Variants in B3GALT1 observed in about 807,000 individuals in gnomAD.
B3GALT1 encodes the protein beta-1,3-galactosyltransferase 1, also known as UDP-Gal:betaGlcNAc beta 1,3-galactosyltransferase, polypeptide 1.
In B3GALT1, 10 loss-of-function variants were observed where a neutral mutation model predicts 23.2. The observed-to-expected ratio is 0.43, with a 90% CI of 0.27 to 0.73. B3GALT1 has a LOEUF of 0.73. B3GALT1 is among the 30% of genes least tolerant of loss of function. The pLI is 0.21. For synonymous variants in B3GALT1, 156 were observed against 141.5 expected, an observed-to-expected ratio of 1.10 and a Z score of -0.73; for missense variants, 299 against 405.4, an observed-to-expected ratio of 0.74 and a Z score of 2.25.
chr2:167,869,581 T>C lies in B3GALT1; in HGVS notation c.542T>C (p.Phe181Ser). 6.2e-7 allele frequency: 1 copy of C among 1,614,188 alleles called. No homozygotes were observed. Among genetic ancestry groups the C allele is most frequent in the Non-Finnish European group, 8.5e-7 (1 of 1,180,038 alleles). ...GTCATGAAAACAGACAGCGACATTTTTGTAAACATGGACAATCTTATTTAT... is the reference window on the plus strand; with the variant it reads ...GTCATGAAAACAGACAGCGACATTTCTGTAAACATGGACAATCTTATTTAT... Reference protein sequence around the residue: ...KYVMKTDSDIFVNMDNLIYKL... With the variant: ...KYVMKTDSDISVNMDNLIYKL... Residue 181 changes from phenylalanine (F) to serine (S), a missense_variant, in exon 5 of 5, where the codon TTT (phenylalanine) becomes TCT (serine). By Grantham distance (155) the Phe-to-Ser change is radical. Transcript: ENST00000392690. This position sits in a 1 kb window ranked among gnomAD's most constrained non-coding sequence, Gnocchi z 6.4.
chr2:167,699,380 A>ATTTTTTTTTT lies in B3GALT1; in HGVS notation c.-352+52430_-352+52439dup, dbSNP rs1169813738. On this transcript the variant is annotated intron_variant, in intron 3 of 4. Transcript: ENST00000392690. ...GGGGGAGTTTTTTGCCATTATTTCT[A>ATTTTTTTTTT]TTTTTTTTTTTTTTTTTTTTTTTTT... Among the ~76,000 whole-genome samples the ATTTTTTTTTT allele has an allele frequency of 1.1e-3, 110 of 100,144 alleles. 3 individuals are homozygous for ATTTTTTTTTT. The highest frequency in any genetic ancestry group is 1.5e-3 in the Non-Finnish European group (76 of 52,114). 65.7% of individuals were successfully genotyped at this position (100,144 alleles called of 152,430 possible).
chr2:167,830,336 T>A (rs1574286924), intron 4 of B3GALT1, among the ~76,000 whole-genome samples: 1 of 151,086 alleles, frequency 6.6e-6, no homozygotes, highest in South Asian at 2.1e-4. Context: ...AGGAAAGACA[T>A]TAAGCGGGAA....
At chr2:167,417,243 A>G (rs1264206518) in intron 1 of B3GALT1, among the ~76,000 whole-genome samples, 2 of 152,106 alleles carry the variant, frequency 1.3e-5, no homozygotes, top group African/African-American at 2.4e-5. Flanking sequence ...AGCTTAATCC[A>G]TTATAGGATT....
At chr2:167,566,060 A>G (rs13031089) in intron 2 of B3GALT1, among the ~76,000 whole-genome samples, 1 of 151,782 alleles carries the variant, frequency 6.6e-6, no homozygotes, top group African/African-American at 2.4e-5. Flanking sequence ...ACATATGTTT[A>G]TTGCGGCACT....
At chr2:167,732,219 A>G (rs1167588327) in intron 3 of B3GALT1, among the ~76,000 whole-genome samples, 1 of 152,222 alleles carries the variant, frequency 6.6e-6, no homozygotes, top group Non-Finnish European at 1.5e-5. Context: ...CCAAAATTAG[A>G]ATACATTAAG....
In B3GALT1 at chr2:167,413,700, A is replaced by G. The variant is rs1698426248; in HGVS notation, c.-510-76477A>G. Among the ~76,000 whole-genome samples, 3 of 151,980 alleles carry G rather than the reference A, an allele frequency of 2.0e-5. No individual in the cohort carries two copies. In the East Asian group the frequency reaches 5.8e-4, roughly 29 times the overall value. Reference sequence around the variant, plus strand: ...TTCTTCAGGTTTATTTTCACCTGATATATCCTTTTTCATTATATTAATATC... The same window carrying G: ...TTCTTCAGGTTTATTTTCACCTGATGTATCCTTTTTCATTATATTAATATC... On this transcript the variant is annotated intron_variant, in intron 1 of 4. Transcript: ENST00000392690.
At chr2:167,666,647 A>G (rs183207021) in intron 3 of B3GALT1, among the ~76,000 whole-genome samples, 2 of 152,042 alleles carry the variant, frequency 1.3e-5, no homozygotes, top group Non-Finnish European at 2.9e-5. Flanking sequence ...TATTGGGTGC[A>G]TATATATTTG....
rs191106216 is a variant in B3GALT1, at chr2:167,395,505, C to T, written c.-510-94672C>T. Among the ~76,000 whole-genome samples, 23 of 152,118 alleles carry T rather than the reference C, an allele frequency of 1.5e-4. 1 individual carries two copies. The East Asian group carries it at 3.7e-3, about 24-fold the overall frequency. On this transcript the variant is annotated intron_variant, in intron 1 of 4. Coordinates refer to ENST00000392690, the MANE Select transcript of B3GALT1 (RefSeq NM_020981.4). ...GAAAAGGCAAGGAAACTGAACCCTC[C>T]CCAGAACCTCCAGAAAGAATACAGC...
At chr2:167,629,214 G>T (rs1016513176) in intron 2 of B3GALT1, among the ~76,000 whole-genome samples, 1 of 151,654 alleles carries the variant, frequency 6.6e-6, no homozygotes, top group Non-Finnish European at 1.5e-5. Flanking sequence ...CGGTGATCTC[G>T]TAATGTCTAA....
chr2:167,526,169 A>G (rs1382099250), intron 2 of B3GALT1, among the ~76,000 whole-genome samples: 1 of 151,874 alleles, frequency 6.6e-6, no homozygotes, highest in South Asian at 2.1e-4. Flanking sequence ...AAGCCATGTT[A>G]GTGCACAGAG....
intron 3 of B3GALT1, among the ~76,000 whole-genome samples, chr2:167,769,663 A>G (rs561402181): frequency 6.6e-6 from 1 of 152,264 alleles, no homozygotes; most frequent in South Asian, 2.1e-4. Context: ...ATCATACAAT[A>G]TATAGTCTTT....
intron 4 of B3GALT1, among the ~76,000 whole-genome samples, chr2:167,835,002 G>A (rs968169331): frequency 4.6e-5 from 7 of 152,168 alleles, no homozygotes; most frequent in Middle Eastern, 3.4e-3. Context: ...TGATAGATAC[G>A]CCTATGTGAT....
intron 2 of B3GALT1, among the ~76,000 whole-genome samples, chr2:167,503,596 C>T (rs1265589352): frequency 6.6e-6 from 1 of 152,220 alleles, no homozygotes; most frequent in Non-Finnish European, 1.5e-5. Flanking sequence ...TACGTTTTGA[C>T]CAAACGTACT....
chr2:167,349,094 C>A (rs1355705134), intron 1 of B3GALT1, among the ~76,000 whole-genome samples: 1 of 152,134 alleles, frequency 6.6e-6, no homozygotes, highest in East Asian at 1.9e-4. Context: ...ACAGTACTTG[C>A]CCCCTGCCAT....
intron 1 of B3GALT1, among the ~76,000 whole-genome samples, chr2:167,401,118 TTGCC>T (rs1180320511): frequency 6.6e-6 from 1 of 152,046 alleles, no homozygotes; most frequent in Non-Finnish European, 1.5e-5. Context: ...CTGTACATTC[TTGCC>T]TCTGGAAAAG....
chr2:167,746,131 T>C (rs536581388), intron 3 of B3GALT1, among the ~76,000 whole-genome samples: 2 of 152,316 alleles, frequency 1.3e-5, no homozygotes, highest in South Asian at 4.1e-4. Flanking sequence ...AATTAATTCC[T>C]CTATTAGATA....
chr2:167,400,206 A>T (rs371647279), intron 1 of B3GALT1, among the ~76,000 whole-genome samples: 1 of 60,596 alleles, frequency 1.7e-5, no homozygotes, highest in African/African-American at 4.8e-5. Context: ...GTGTGTGTGT[A>T]TGTGTGTTAG....
chr2:167,793,463 T>C (rs1473280625), intron 3 of B3GALT1, among the ~76,000 whole-genome samples: 1 of 152,158 alleles, frequency 6.6e-6, no homozygotes, highest in Non-Finnish European at 1.5e-5. Context: ...AAAATGCTGT[T>C]ATTACTAAGG....
chr2:167,361,212 G>GT (rs66780629), intron 1 of B3GALT1, among the ~76,000 whole-genome samples: 2,484 of 104,166 alleles, frequency 0.024, 63 homozygotes, highest in Non-Finnish European at 0.037. Context: ...TCCCCCACTA[G>GT]TTTTTTTTTT....
Sources: allele counts gnomAD v4.1 joint callset (sites outside exome capture counted in the v4.1 genomes callset), GRCh38; gene constraint gnomAD v4.1.1; non-coding constraint Gnocchi (gnomAD v3.1); transcripts MANE v1.5; gene names NCBI Gene and HGNC (gene_info 2026-07-23, HGNC 2026-07-21).